BRINP3: variants seen among roughly 807,000 people sequenced by gnomAD.
BRINP3 encodes BMP/retinoic acid inducible neural specific 3, also known as BMP/retinoic acid-inducible neural-specific protein 3.
A neutral mutation model predicts 71.0 loss-of-function variants in BRINP3; 19 were observed. That is an observed-to-expected ratio of 0.27 (90% CI 0.19 to 0.39). The LOEUF (loss-of-function observed/expected upper bound fraction) is 0.39, where lower values mean the gene tolerates loss of function less well. BRINP3 is among the 10% of genes least tolerant of loss of function. The pLI is 1.00. For synonymous variants in BRINP3, 380 were observed against 337.7 expected (o/e 1.13, Z -1.37); for missense variants, 959 against 940.8 (o/e 1.02, Z -0.25).
At chr1:190,353,581 A>C (rs551300596) in intron 2 of BRINP3, among the ~76,000 whole-genome samples, 9 of 152,202 alleles carry the variant, frequency 5.9e-5, no homozygotes, top group African/African-American at 1.9e-4. Flanking sequence ...TTTGGCTATC[A>C]AAGTTTCTTG....
chr1:190,306,021 G>A (rs1367585401), intron 2 of BRINP3, among the ~76,000 whole-genome samples: 3 of 151,400 alleles, frequency 2.0e-5, no homozygotes, highest in Admixed American at 6.6e-5. Flanking sequence ...CTGTTTTGTT[G>A]GCAATATTCA....
At chr1:190,315,911 C>T (rs1571725620) in intron 2 of BRINP3, among the ~76,000 whole-genome samples, 1 of 152,222 alleles carries the variant, frequency 6.6e-6, no homozygotes, top group East Asian at 1.9e-4. Flanking sequence ...CCCAGCCTCT[C>T]ATGTTGTTAG....
chr1:190,381,797 T>C (rs1670566841), intron 2 of BRINP3, among the ~76,000 whole-genome samples: 1 of 152,174 alleles, frequency 6.6e-6, no homozygotes, highest in Non-Finnish European at 1.5e-5. Context: ...GTCCTAGGCA[T>C]ATGGATCAGT....
At chr1:190,275,919 ATATTT>A (rs1207460394) in intron 3 of BRINP3, among the ~76,000 whole-genome samples, 6 of 151,400 alleles carry the variant, frequency 4.0e-5, no homozygotes, top group Admixed American at 2.0e-4. Context: ...TTAACTTCAG[ATATTT>A]TATTTTATTT....
At chr1:190,464,480 G>T (rs1676607284) in intron 1 of BRINP3, among the ~76,000 whole-genome samples, 1 of 151,784 alleles carries the variant, frequency 6.6e-6, no homozygotes, top group Non-Finnish European at 1.5e-5. Context: ...CGAGAGATTT[G>T]CTGGCAGTTA....
chr1:190,288,228 A>G (rs1017647214), intron 2 of BRINP3, among the ~76,000 whole-genome samples: 2 of 152,002 alleles, frequency 1.3e-5, no homozygotes, highest in Non-Finnish European at 2.9e-5. Flanking sequence ...AGATTAGGTA[A>G]CTATTGATAA....
chr1:190,139,749 T>C (rs1229194596), intron 7 of BRINP3, among the ~76,000 whole-genome samples: 2 of 152,268 alleles, frequency 1.3e-5, no homozygotes, highest in Non-Finnish European at 2.9e-5. Flanking sequence ...CAATATAGCA[T>C]ACGACATAAA....
rs189906355 is a variant in BRINP3, at chr1:190,327,175, C to A, written c.237-45425G>T. ...TATTAAAATACAAAAATTAGACAGG[C>A]GTTTTGTTGGGCACCTGTAATCCCG... On this transcript the variant is annotated intron_variant, in intron 2 of 7. Coordinates refer to ENST00000367462, the MANE Select transcript of BRINP3 (RefSeq NM_199051.3). Among the ~76,000 whole-genome samples the A allele has an allele frequency of 5.3e-5, 8 of 150,646 alleles. No homozygotes were observed. In the East Asian group the frequency reaches 1.6e-3, roughly 29 times the overall value.
intron 6 of BRINP3, among the ~76,000 whole-genome samples, chr1:190,216,161 T>C (rs886705505): frequency 1.3e-5 from 2 of 151,806 alleles, no homozygotes; most frequent in African/African-American, 2.4e-5. Context: ...AAAATATGCA[T>C]GCAAAACTGT....
intron 7 of BRINP3, among the ~76,000 whole-genome samples, chr1:190,104,995 G>A (rs1057231924): frequency 4.2e-4 from 64 of 152,086 alleles, no homozygotes; most frequent in Admixed American, 2.8e-3. Context: ...TCATAGATTT[G>A]TTATTCTCAG....
intron 2 of BRINP3, among the ~76,000 whole-genome samples, chr1:190,321,997 A>G (rs951238013): frequency 9.9e-5 from 15 of 152,154 alleles, no homozygotes; most frequent in African/African-American, 3.4e-4. Flanking sequence ...TGAAATATAT[A>G]TAAGATTTTT....
At chr1:190,225,771 T>C (rs900033406) in intron 6 of BRINP3, among the ~76,000 whole-genome samples, 1 of 151,924 alleles carries the variant, frequency 6.6e-6, no homozygotes, top group South Asian at 2.1e-4. Context: ...ACTAGAAAAG[T>C]AGAGAAAAAC....
chr1:190,168,577 C>T (rs969275065), intron 6 of BRINP3, among the ~76,000 whole-genome samples: 1 of 152,144 alleles, frequency 6.6e-6, no homozygotes, highest in African/African-American at 2.4e-5. Context: ...AGAACATTGA[C>T]TTCATAAGCT....
At chr1:190,265,494 G>A (rs1571567919) in intron 3 of BRINP3, among the ~76,000 whole-genome samples, 1 of 151,114 alleles carries the variant, frequency 6.6e-6, no homozygotes, top group East Asian at 1.9e-4. Context: ...GAGGGCAGGA[G>A]ATCGAGACTA....
intron 7 of BRINP3, among the ~76,000 whole-genome samples, chr1:190,138,837 T>C (rs528517896): frequency 6.6e-6 from 1 of 152,250 alleles, no homozygotes; most frequent in South Asian, 2.1e-4. Flanking sequence ...ATGAGGAAGA[T>C]GCTGAGTAGC....
chr1:190,374,779 T>G (rs1670083880), intron 2 of BRINP3, among the ~76,000 whole-genome samples: 1 of 151,892 alleles, frequency 6.6e-6, no homozygotes, highest in African/African-American at 2.4e-5. Flanking sequence ...AAAACATTTT[T>G]AACAATCACA....
chr1:190,133,612 A>G (rs1393131226), intron 7 of BRINP3, among the ~76,000 whole-genome samples: 1 of 152,144 alleles, frequency 6.6e-6, no homozygotes, highest in Non-Finnish European at 1.5e-5. Flanking sequence ...CAATATAGGC[A>G]GATAAGAATG....
intron 4 of BRINP3, among the ~76,000 whole-genome samples, chr1:190,245,837 G>C (rs796424320): frequency 3.4e-5 from 5 of 145,544 alleles, no homozygotes; most frequent in African/African-American, 1.0e-4. Context: ...CCACCTATGA[G>C]TGAGAACATG....
At position 190,304,388 on chromosome 1, in the gene BRINP3, C is replaced by T. The variant is rs550084197; in HGVS notation, c.237-22638G>A. On this transcript the variant is annotated intron_variant, in intron 2 of 7. Transcript: ENST00000367462. Reference sequence around the variant, plus strand: ...CACTATATGACTTCAAAGCATACTACGAAGATATATTAACCCAAACTGATA... The same window carrying T: ...CACTATATGACTTCAAAGCATACTATGAAGATATATTAACCCAAACTGATA... Among the ~76,000 whole-genome samples, 41 of 151,656 alleles carry T rather than the reference C, an allele frequency of 2.7e-4. 1 individual carries two copies. In the South Asian group the frequency reaches 6.4e-3, roughly 24 times the overall value.
Sources: gnomAD v4.1 joint callset for allele counts (sites outside exome capture counted in the v4.1 genomes callset) on GRCh38, gnomAD v4.1.1 for gene constraint, MANE v1.5 for transcripts, NCBI Gene and HGNC (gene_info 2026-07-23, HGNC 2026-07-21) for gene names.